Variants in WWOX observed in about 807,000 individuals in gnomAD.
The protein encoded by WWOX is WW domain-containing oxidoreductase.
In WWOX, 69 loss-of-function variants were observed where a neutral mutation model predicts 46.2. The ratio of observed to expected loss-of-function variants is 1.49; its 90% CI spans 1.23 to 1.82. The LOEUF (loss-of-function observed/expected upper bound fraction) is 1.82. Among genes scored for constraint, WWOX ranks in the 40% most tolerant of loss-of-function variants. WWOX has a pLI of 0.00. For synonymous variants in WWOX, 359 were observed against 202.6 expected (o/e 1.77, Z -6.56); for missense variants, 919 against 542.6 (o/e 1.69, Z -6.89).
chr16:78,989,668 G>T (rs2046845495), intron 8 of WWOX, among the ~76,000 whole-genome samples: 1 of 152,170 alleles, frequency 6.6e-6, no homozygotes, highest in African/African-American at 2.4e-5. Context: ...TTGCAAGAAG[G>T]GTGTTAGGGA....
intron 8 of WWOX, among the ~76,000 whole-genome samples, chr16:78,533,392 T>A (rs546192155): frequency 1.8e-4 from 26 of 145,948 alleles, no homozygotes; most frequent in Non-Finnish European, 3.2e-4. Context: ...CTGCACATAA[T>A]ATACAATTGT....
chr16:79,200,909 T>A (rs767047656), intron 8 of WWOX, among the ~76,000 whole-genome samples: 1 of 152,228 alleles, frequency 6.6e-6, no homozygotes, highest in South Asian at 2.1e-4. Flanking sequence ...TTGATGTGTA[T>A]GCTTCCTTCT....
At chr16:79,023,338 C>T (rs1775434837) in intron 8 of WWOX, among the ~76,000 whole-genome samples, 1 of 152,150 alleles carries the variant, frequency 6.6e-6, no homozygotes, top group African/African-American at 2.4e-5. Flanking sequence ...TTCCAGCATC[C>T]TCTTGGTATG....
rs548237237 is a variant in WWOX at position 79,165,989 on chromosome 16, C to G, written c.1057-45619C>G. On this transcript the variant is annotated intron_variant, in intron 8 of 8. Transcript: ENST00000566780. ...TGCTCTCCTGTGAAAATCTTTCGGTCTAAGCAAATTAATGTCATTTTCATA... is the reference window on the plus strand; with the variant it reads ...TGCTCTCCTGTGAAAATCTTTCGGTGTAAGCAAATTAATGTCATTTTCATA... 3.1e-4 allele frequency among the ~76,000 whole-genome samples: 47 copies of G among 152,250 alleles called. No homozygotes were observed. The South Asian group carries it at 9.1e-3, about 30-fold the overall frequency.
intron 4 of WWOX, among the ~76,000 whole-genome samples, chr16:78,122,248 G>C (rs140330644): frequency 1.3e-5 from 2 of 152,160 alleles, no homozygotes; most frequent in Non-Finnish European, 1.5e-5. Flanking sequence ...GAGGATAAGG[G>C]GGGGCTACTG....
At chr16:78,640,729 A>G (rs1026000573) in intron 8 of WWOX, among the ~76,000 whole-genome samples, 2 of 152,136 alleles carry the variant, frequency 1.3e-5, no homozygotes, top group Non-Finnish European at 2.9e-5. Context: ...GCCTGAGCTC[A>G]GGAGTTGAAT....
At chr16:79,069,814 A>G (rs561902201) in intron 8 of WWOX, among the ~76,000 whole-genome samples, 2 of 152,158 alleles carry the variant, frequency 1.3e-5, no homozygotes, top group Admixed American at 6.5e-5. Flanking sequence ...TGTTTTGCTA[A>G]CTGGTGTTAG....
At position 78,702,007 on chromosome 16, in the gene WWOX, T is replaced by TTATATATATGTATATATATATATA. The variant is rs1555519490; in HGVS notation, c.1056+269264_1056+269265insGTATATATATATATATATATATAT. ...GGAGACTAGCCTGGGCTACATAAAATTATATATATATATATATATATATAT... is the reference window on the plus strand; with the variant it reads ...GGAGACTAGCCTGGGCTACATAAAATTATATATATGTATATATATATATATATATATATATATATATATATATAT... On this transcript the variant is annotated intron_variant, in intron 8 of 8. Coordinates refer to ENST00000566780, the MANE Select transcript of WWOX (RefSeq NM_016373.4). 3.1e-4 allele frequency among the ~76,000 whole-genome samples: 18 copies of TTATATATATGTATATATATATATA among 57,626 alleles called. 2 individuals carry two copies. The highest frequency in any genetic ancestry group is 1.2e-3 in the African/African-American group (18 of 15,284). The allele number at this position is 57,626 out of a possible 152,430, so 37.8% of individuals were successfully genotyped here. A position where few individuals can be genotyped will look rare whatever the true frequency, so the allele number is the denominator to read the frequency against.
chr16:78,737,146 C>T (rs999390401), intron 8 of WWOX, among the ~76,000 whole-genome samples: 1 of 151,904 alleles, frequency 6.6e-6, no homozygotes, highest in Non-Finnish European at 1.5e-5. Flanking sequence ...GTCACCCAGG[C>T]TGGAGTGCAG....
intron 8 of WWOX, among the ~76,000 whole-genome samples, chr16:78,953,876 A>G (rs2046112779): frequency 6.6e-6 from 1 of 152,126 alleles, no homozygotes; most frequent in African/African-American, 2.4e-5. Context: ...AGTTTATTTG[A>G]CACTTTTCAC....
At position 78,350,635 on chromosome 16, in the gene WWOX, C is replaced by T. The variant is rs1412252473; in HGVS notation, c.517-36225C>T. ...ATTCATGTTGTAGCATGTATCAGTA[C>T]TTCTTTTTTTAGGGCTGAGTAATAT... On this transcript the variant is annotated intron_variant, in intron 5 of 8. Coordinates refer to ENST00000566780, the MANE Select transcript of WWOX (RefSeq NM_016373.4). Among the ~76,000 whole-genome samples the T allele has an allele frequency of 1.6e-5, 2 of 121,638 alleles. 1 individual carries two copies. The highest frequency in any genetic ancestry group is 3.9e-5 in the Non-Finnish European group (2 of 50,826). 79.8% of individuals were successfully genotyped at this position (121,638 alleles called of 152,430 possible).
At chr16:78,665,951 C>G (rs895444302) in intron 8 of WWOX, among the ~76,000 whole-genome samples, 7 of 151,784 alleles carry the variant, frequency 4.6e-5, no homozygotes, top group African/African-American at 1.7e-4. Context: ...TCCCAAAGCT[C>G]TGGGATTACA....
intron 8 of WWOX, among the ~76,000 whole-genome samples, chr16:78,475,101 C>T (rs1350089608): frequency 2.0e-5 from 3 of 152,154 alleles, no homozygotes; most frequent in Non-Finnish European, 4.4e-5. Flanking sequence ...AACCACTGCT[C>T]ATTACTTGGT....
chr16:79,193,248 C>A (rs976723085), intron 8 of WWOX, among the ~76,000 whole-genome samples: 2 of 152,198 alleles, frequency 1.3e-5, no homozygotes, highest in African/African-American at 2.4e-5. Context: ...GTTGCTTACC[C>A]TTGGGGGCCC....
chr16:79,136,591 A>T (rs1252730948), intron 8 of WWOX, among the ~76,000 whole-genome samples: 1 of 152,136 alleles, frequency 6.6e-6, no homozygotes, highest in Non-Finnish European at 1.5e-5. Context: ...GTGAACAGGA[A>T]CTTAAAGCCA....
intron 6 of WWOX, among the ~76,000 whole-genome samples, chr16:78,418,056 C>T (rs558147008): frequency 1.3e-5 from 2 of 152,142 alleles, no homozygotes; most frequent in African/African-American, 2.4e-5. Flanking sequence ...TGCTTTCCAG[C>T]AAGCGCTTAA....
At chr16:78,687,009 C>T (rs953224582) in intron 8 of WWOX, among the ~76,000 whole-genome samples, 20 of 152,184 alleles carry the variant, frequency 1.3e-4, no homozygotes, top group African/African-American at 4.1e-4. Context: ...TTATGTTTCC[C>T]CAGTTGGCAC....
intron 8 of WWOX, among the ~76,000 whole-genome samples, chr16:78,807,046 A>T (rs1048722099): frequency 4.6e-5 from 7 of 151,792 alleles, no homozygotes; most frequent in African/African-American, 9.6e-5. Flanking sequence ...GGATTATGCA[A>T]ATAAAATCTG....
At chr16:78,247,738 A>G (rs2037857000) in intron 5 of WWOX, among the ~76,000 whole-genome samples, 2 of 152,082 alleles carry the variant, frequency 1.3e-5, no homozygotes, top group East Asian at 3.9e-4. Context: ...TCTGGTCCAC[A>G]CTGTGCCTAC....
Sources: allele counts gnomAD v4.1 joint callset (sites outside exome capture counted in the v4.1 genomes callset), GRCh38; gene constraint gnomAD v4.1.1; transcripts MANE v1.5; gene names NCBI Gene and HGNC (gene_info 2026-07-23, HGNC 2026-07-21).